The following AK5 variants were observed in gnomAD, a reference collection of about 807,000 sequenced individuals.
AK5 encodes adenylate kinase isoenzyme 5.
A neutral mutation model predicts 69.5 loss-of-function variants in AK5; 27 were observed. The observed-to-expected ratio is 0.39, with a 90% CI of 0.29 to 0.54. The LOEUF (loss-of-function observed/expected upper bound fraction) is 0.54, where lower values mean the gene tolerates loss of function less well. Among genes scored for constraint, AK5 ranks in the 20% least tolerant of loss-of-function variants. The pLI is 0.71. For synonymous variants in AK5, 260 were observed against 244.4 expected (o/e 1.06, Z -0.60); for missense variants, 531 against 700.4 (o/e 0.76, Z 2.73).
At chr1:77,288,052 A>T (rs1658464080) in intron 2 of AK5, among the ~76,000 whole-genome samples, 1 of 152,260 alleles carries the variant, frequency 6.6e-6, no homozygotes, top group Admixed American at 6.5e-5. Flanking sequence ...TGTATTAAGC[A>T]TCTACTGAAT....
chr1:77,296,437 ATC>A (rs1465859404), intron 3 of AK5, among the ~76,000 whole-genome samples: 3 of 152,172 alleles, frequency 2.0e-5, no homozygotes, highest in Non-Finnish European at 2.9e-5. Context: ...GGCAGAGAAT[ATC>A]TCTGTCAATT....
intron 6 of AK5, among the ~76,000 whole-genome samples, chr1:77,386,808 T>G (rs1248175920): frequency 6.6e-6 from 1 of 152,124 alleles, no homozygotes; most frequent in East Asian, 1.9e-4. Context: ...TTCCCTTTAT[T>G]TTAACCTATT....
chr1:77,539,592 G>A (rs1055959275), intron 13 of AK5, among the ~76,000 whole-genome samples: 11 of 152,168 alleles, frequency 7.2e-5, no homozygotes, highest in African/African-American at 2.7e-4. Context: ...GCAGGTACCC[G>A]TGGGGTTTGC....
intron 8 of AK5, among the ~76,000 whole-genome samples, chr1:77,472,216 T>G (rs546706420): frequency 2.6e-4 from 40 of 152,340 alleles, no homozygotes; most frequent in African/African-American, 9.4e-4. Context: ...ATCCCAGAGT[T>G]GGTCCAGCAG....
chr1:77,463,127 ACTT>A (rs1653937641), intron 8 of AK5, among the ~76,000 whole-genome samples: 1 of 152,158 alleles, frequency 6.6e-6, no homozygotes, highest in African/African-American at 2.4e-5. Context: ...GGAGGGGGGA[ACTT>A]CTTCTCTCCT....
intron 8 of AK5, among the ~76,000 whole-genome samples, chr1:77,476,883 G>A (rs1226664986): frequency 6.7e-6 from 1 of 148,506 alleles, no homozygotes; most frequent in South Asian, 2.1e-4. Context: ...ATTGTTTAAT[G>A]TGTGAGGTGT....
chr1:77,372,423 A>T (rs1457830215), intron 6 of AK5, among the ~76,000 whole-genome samples: 1 of 152,218 alleles, frequency 6.6e-6, no homozygotes, highest in Admixed American at 6.5e-5. Flanking sequence ...AACAGTTATT[A>T]CATTTCAACA....
intron 6 of AK5, among the ~76,000 whole-genome samples, chr1:77,399,529 T>C (rs1296109422): frequency 6.6e-6 from 1 of 152,098 alleles, no homozygotes; most frequent in Non-Finnish European, 1.5e-5. Context: ...GCCAAAGCCC[T>C]GGTTGGGCTG....
chr1:77,408,574 G>T (rs181907967), intron 6 of AK5, among the ~76,000 whole-genome samples: 152 of 152,124 alleles, frequency 1.0e-3, no homozygotes, highest in African/African-American at 3.3e-3. Flanking sequence ...TCATTCTGTA[G>T]GTTGTGTGTT....
At chr1:77,551,937 G>A (rs1285745300) in intron 13 of AK5, among the ~76,000 whole-genome samples, 2 of 152,150 alleles carry the variant, frequency 1.3e-5, no homozygotes, top group African/African-American at 4.8e-5. Context: ...GGAGCTTATT[G>A]TCTAGCTGGA....
At chr1:77,429,734 C>G (rs918394969) in intron 8 of AK5, among the ~76,000 whole-genome samples, 14 of 152,280 alleles carry the variant, frequency 9.2e-5, no homozygotes, top group Admixed American at 7.2e-4. Flanking sequence ...GCTGGGATTA[C>G]AGGCGTGAGC....
chr1:77,289,539 A>G (rs1305421037), intron 2 of AK5, among the ~76,000 whole-genome samples: 1 of 152,230 alleles, frequency 6.6e-6, no homozygotes, highest in Non-Finnish European at 1.5e-5. Flanking sequence ...CTAAGAAGTT[A>G]TGACATCTAC....
At chr1:77,470,852 TATATATATATATA>T (rs1654436338) in intron 8 of AK5, among the ~76,000 whole-genome samples, 688 of 32,432 alleles carry the variant, frequency 0.021, 149 homozygotes, top group South Asian at 0.028. Context: ...TATATATATA[TATATATATATATA>T]TATATATATA....
At chr1:77,550,106 T>G (rs1438677344) in intron 13 of AK5, among the ~76,000 whole-genome samples, 2 of 152,154 alleles carry the variant, frequency 1.3e-5, no homozygotes, top group Non-Finnish European at 2.9e-5. Flanking sequence ...ACTACTGGCA[T>G]GTGCCTAGCT....
chr1:77,529,133 T>C (rs749634041), intron 12 of AK5, among the ~76,000 whole-genome samples: 1 of 152,076 alleles, frequency 6.6e-6, no homozygotes, highest in Non-Finnish European at 1.5e-5. Context: ...CCAGTGATAA[T>C]ACCTATTAAT....
chr1:77,324,892 C>A (rs961471064), intron 5 of AK5, among the ~76,000 whole-genome samples: 2 of 152,010 alleles, frequency 1.3e-5, no homozygotes. Flanking sequence ...TGGTGGCTAC[C>A]AGGCCATCAG....
chr1:77,475,398 A>ATATATT (rs201819254), intron 8 of AK5, among the ~76,000 whole-genome samples: 3 of 41,178 alleles, frequency 7.3e-5, no homozygotes, highest in Non-Finnish European at 1.4e-4. Flanking sequence ...GTATATATAT[A>ATATATT]ATATATATGT....
intron 13 of AK5, among the ~76,000 whole-genome samples, chr1:77,541,656 G>A (rs1378172728): frequency 6.6e-6 from 1 of 152,170 alleles, no homozygotes; most frequent in Non-Finnish European, 1.5e-5. Flanking sequence ...AGGCACAGCA[G>A]GCCCTAGAAG....
intron 8 of AK5, among the ~76,000 whole-genome samples, chr1:77,435,761 T>C: frequency 6.6e-6 from 1 of 152,204 alleles, no homozygotes; most frequent in East Asian, 1.9e-4. Context: ...GAAAACTCTG[T>C]TGTTCTAATA....
Sources: allele counts gnomAD v4.1 joint callset (sites outside exome capture counted in the v4.1 genomes callset), GRCh38; gene constraint gnomAD v4.1.1; transcripts MANE v1.5; gene names NCBI Gene and HGNC (gene_info 2026-07-23, HGNC 2026-07-21).